Variants in STAB1 observed in about 807,000 individuals in gnomAD.
The protein encoded by STAB1 is stabilin 1.
In STAB1, 250 loss-of-function variants were observed where a neutral mutation model predicts 332.4. The observed-to-expected ratio is 0.75, with a 90% CI of 0.68 to 0.84. The LOEUF (loss-of-function observed/expected upper bound fraction) is 0.84. STAB1 is among the 40% of genes least tolerant of loss of function. STAB1 has a pLI of 0.00. For missense variants in STAB1, 3,249 were observed against 3,489.7 expected (o/e 0.93, Z 1.74); for synonymous variants, 1,475 against 1,390.4 (o/e 1.06, Z -1.35).
Position 52,518,672 on chromosome 3 carries a change from T to C in STAB1, c.4888-51T>C, listed in dbSNP as rs752215009. On this transcript the variant is annotated intron_variant, in intron 47 of 68. Transcript: ENST00000321725. ...TGGGTGCTCTGGTGGTGGCCCTGCG[T>C]GGGCTGAGGCGGCAGTCAGGGACCC... The C allele has an allele frequency of 1.1e-5, 18 of 1,611,744 alleles. No homozygotes were observed. In the Admixed American group the frequency reaches 2.8e-4, roughly 25 times the overall value.
chr3:52,514,537 C>A (rs1220236597), intron 34 of STAB1, 41 bp downstream of exon 34: 8 of 1,528,068 alleles, frequency 5.2e-6, no homozygotes, highest in Non-Finnish European at 7.0e-6. Flanking sequence ...GCCCGGGCCC[C>A]TACCCCTGAA....
chr3:52,509,806 C>A (rs1709158302), intron 22 of STAB1, 64 bp from the exon 23 acceptor site: 1 of 1,594,456 alleles, frequency 6.3e-7, no homozygotes, highest in Non-Finnish European at 8.6e-7. Flanking sequence ...CCAAACCCAT[C>A]CTGGCTCCCA....
intron 1 of STAB1, among the ~76,000 whole-genome samples, chr3:52,500,779 T>C (rs958381021): frequency 9.2e-5 from 14 of 152,152 alleles, no homozygotes; most frequent in Admixed American, 2.0e-4. Flanking sequence ...ATGGATGAGA[T>C]TGGGTAGCGG....
intron 30 of STAB1, 91 bp from the exon 31 acceptor site, chr3:52,513,626 T>C: frequency 7.4e-7 from 1 of 1,343,084 alleles, no homozygotes; most frequent in Non-Finnish European, 1.0e-6. Context: ...TGTGGGTGCC[T>C]GTGTGCCTGG....
At chr3:52,521,307 G>C (rs1440979411) in intron 55 of STAB1, 54 bp from the exon 56 acceptor site, 23 of 1,609,300 alleles carry the variant, frequency 1.4e-5, no homozygotes, top group Non-Finnish European at 2.0e-5. Flanking sequence ...TACGTATATG[G>C]GGGTCCTGGT....
At chr3:52,517,273 G>T (rs772231770) in intron 42 of STAB1, 47 bp from the exon 43 acceptor site, 156 of 1,524,710 alleles carry the variant, frequency 1.0e-4, no homozygotes, top group Non-Finnish European at 1.3e-4. Context: ...ACAGAGGAAG[G>T]GGGGGGCCAC....
chr3:52,514,459 C>T lies in STAB1; in HGVS notation c.3641C>T (p.Pro1214Leu). 1 of 1,543,432 alleles carries T rather than the reference C, an allele frequency of 6.5e-7. No individual in the cohort carries two copies. The highest frequency in any genetic ancestry group is 8.7e-7 in the Non-Finnish European group (1 of 1,146,528). ...GGACACCGCAACTCCCTCCTGGGCC[C>T]TGCCCACTGGATCGTCTTCTACAAC... is the stretch of plus-strand genomic sequence containing the variant. ...KGGHRNSLLG[P>L]AHWIVFYNHS... The change falls in exon 34 of 69, where the codon CCT becomes CTT. Residue 1214 changes from proline (P) to leucine (L), a missense_variant. Physicochemically the swap from Pro to Leu is moderately conservative, Grantham distance 98. Transcript: ENST00000321725.
In STAB1 at chr3:52,517,317, C is replaced by T. The variant is rs1159835169; in HGVS notation, c.4490-3C>T. On this transcript the variant is annotated splice_region_variant and splice_polypyrimidine_tract_variant and intron_variant, in intron 42 of 68. Transcript: ENST00000321725. ...ACCCCCATCCCAGTGTCTCTTCCCC[C>T]AGAAATTAACAGCTGTCTCATCCAC... 2 of 1,570,152 alleles carry T rather than the reference C, an allele frequency of 1.3e-6. No individual in the cohort carries two copies. Among genetic ancestry groups the T allele is most frequent in the East Asian group, 2.2e-5 (1 of 44,572 alleles).
At chr3:52,506,912 A>G (rs1708919888) in intron 18 of STAB1, 62 bp downstream of exon 18, 1 of 1,583,076 alleles carries the variant, frequency 6.3e-7, no homozygotes, top group Non-Finnish European at 8.6e-7. Flanking sequence ...TGGAGCGGCA[A>G]TCCTCTTCCC....
In STAB1 at chr3:52,520,511, GCTC is replaced by G. The variant is rs1232116821; in HGVS notation, c.5612_5614del (p.Ala1871_Arg1872delinsGly). The G allele has an allele frequency of 3.1e-6, 5 of 1,612,430 alleles. No homozygotes were observed. Among genetic ancestry groups the G allele is most frequent in the Non-Finnish European group, 4.2e-6 (5 of 1,179,852 alleles). Reference sequence around the variant, plus strand: ...GCTGCTGGAGCCACCTGGCCTTGGTGCTCGCTGTGACCACTTTGAGACCCGGCC... The same window carrying G: ...GCTGCTGGAGCCACCTGGCCTTGGTGGCTGTGACCACTTTGAGACCCGGCC... On this transcript the variant is annotated inframe_deletion, in exon 53 of 69. Coordinates refer to ENST00000321725, the MANE Select transcript of STAB1 (RefSeq NM_015136.3).
chr3:52,516,868 C>G (rs2078885302), intron 41 of STAB1, 100 bp downstream of exon 41: 2 of 1,596,720 alleles, frequency 1.3e-6, no homozygotes, highest in Non-Finnish European at 1.7e-6. Context: ...CCCTCACTGT[C>G]CCATCTCAGG....
At position 52,509,915 on chromosome 3, in the gene STAB1, G is replaced by A. The variant is rs759224968; in HGVS notation, c.2393G>A (p.Gly798Glu). 9 of 1,612,938 alleles carry A rather than the reference G, an allele frequency of 5.6e-6. No individual in the cohort carries two copies. In the Middle Eastern group the frequency reaches 8.2e-4, roughly 147 times the overall value. ...CTCTGCGACAACCGCCCAGGCAGTG[G>A]GGGGGTGTGCCAGCAGGGCACGTGT... The part of the protein sequence containing the change: ...HGLCDNRPGS[G>E]GVCQQGTCAP... The change falls in exon 23 of 69, where the codon GGG becomes GAG. Residue 798 changes from glycine (G) to glutamate (E), a missense_variant. Coordinates refer to ENST00000321725, the MANE Select transcript of STAB1 (RefSeq NM_015136.3).
At chr3:52,502,534 C>A in intron 5 of STAB1, 98 bp from the exon 6 acceptor site, 2 of 1,115,140 alleles carry the variant, frequency 1.8e-6, no homozygotes, top group Non-Finnish European at 2.7e-6. Context: ...TGTACCTGCC[C>A]GAGCTGAGTT....
At chr3:52,502,290 G>T (rs2153232955) in intron 5 of STAB1, 62 bp downstream of exon 5, 1 of 1,563,796 alleles carries the variant, frequency 6.4e-7, no homozygotes, top group South Asian at 1.1e-5. Context: ...CGCAGATGCA[G>T]TACCTACAAC....
intron 41 of STAB1, 66 bp from the exon 42 acceptor site, chr3:52,516,918 C>G: frequency 6.2e-7 from 1 of 1,604,686 alleles, no homozygotes. Context: ...CTCTCACGCC[C>G]TCCTCTCCTG....
chr3:52,518,979 C>A, intron 48 of STAB1, 110 bp downstream of exon 48: 1 of 1,303,242 alleles, frequency 7.7e-7, no homozygotes, highest in Non-Finnish European at 1.0e-6. Context: ...CTCCCCTAGC[C>A]AGGGGGCGCC....
At chr3:52,511,910 C>T (rs376663293) in intron 26 of STAB1, among the ~76,000 whole-genome samples, 165 bp downstream of exon 26, 24 of 152,336 alleles carry the variant, frequency 1.6e-4, no homozygotes, top group African/African-American at 4.6e-4. Flanking sequence ...CCCCTTCACC[C>T]GCCCCTGCCC....
intron 68 of STAB1, 24 bp from the exon 69 acceptor site, chr3:52,524,276 C>G: frequency 6.2e-7 from 1 of 1,613,842 alleles, no homozygotes; most frequent in Non-Finnish European, 8.5e-7. Flanking sequence ...GTCACACCCT[C>G]CACCACCAAC....
Position 52,501,271 on chromosome 3 carries a change from G to A in STAB1, c.184G>A (p.Glu62Lys), listed in dbSNP as rs764770734. 6.2e-7 allele frequency: 1 copy of A among 1,613,512 alleles called. No homozygotes were observed. The highest frequency in any genetic ancestry group is 8.5e-7 in the Non-Finnish European group (1 of 1,180,004). Residue 62 changes from glutamate to lysine, a missense_variant, in exon 2 of 69, where the codon GAG becomes AAG. Glu to Lys is a moderately conservative substitution (Grantham distance 56, BLOSUM62 1). Coordinates refer to ENST00000321725, the MANE Select transcript of STAB1 (RefSeq NM_015136.3). ...GACGTGTCCCTCAGGCTGGCTGCGG[G>A]AGCTCCCGGATCAGATAACCCAGGA... ...KQTCPSGWLR[E>K]LPDQITQDCR...
Sources: gnomAD v4.1 joint callset for allele counts (sites outside exome capture counted in the v4.1 genomes callset) on GRCh38, gnomAD v4.1.1 for gene constraint, MANE v1.5 for transcripts, NCBI Gene and HGNC (gene_info 2026-07-23, HGNC 2026-07-21) for gene names.